The following PRICKLE2 variants were observed in gnomAD, a reference collection of about 807,000 sequenced individuals.
The protein encoded by PRICKLE2 is prickle planar cell polarity protein 2, also known as prickle-like protein 2.
A neutral mutation model predicts 81.4 loss-of-function variants in PRICKLE2; 21 were observed. The observed-to-expected ratio is 0.26, with a 90% CI of 0.18 to 0.37. The LOEUF (loss-of-function observed/expected upper bound fraction) is 0.37. Among genes scored for constraint, PRICKLE2 ranks in the 10% least tolerant of loss-of-function variants. PRICKLE2 has a pLI of 1.00. For synonymous variants in PRICKLE2, 456 were observed against 421.5 expected (o/e 1.08, Z -1.00); for missense variants, 940 against 1,109.0 (o/e 0.85, Z 2.16).
chr3:64,190,950 C>G (rs1334570627), intron 2 of PRICKLE2, among the ~76,000 whole-genome samples: 1 of 152,116 alleles, frequency 6.6e-6, no homozygotes, highest in African/African-American at 2.4e-5. Context: ...AGTACTTCAG[C>G]AGATAATCCC....
chr3:64,219,378 A>C lies in PRICKLE2; in HGVS notation c.-41+5532T>G, dbSNP rs1193160256. ...CACACAACTGGCGATCAAGAGCAACAAGCTTGGCTTCCCTCTCTCCGAACT... is the reference window on the plus strand; with the variant it reads ...CACACAACTGGCGATCAAGAGCAACCAGCTTGGCTTCCCTCTCTCCGAACT... On this transcript the variant is annotated intron_variant, in intron 1 of 7. Coordinates refer to ENST00000638394, the MANE Select transcript of PRICKLE2 (RefSeq NM_198859.4). 2.6e-5 allele frequency among the ~76,000 whole-genome samples: 4 copies of C among 152,182 alleles called. 1 individual carries two copies. The highest frequency in any genetic ancestry group is 9.7e-5 in the African/African-American group (4 of 41,444).
At chr3:64,243,669 A>C (rs2079302822) in intron 2 of PRICKLE2, among the ~76,000 whole-genome samples, 1 of 152,234 alleles carries the variant, frequency 6.6e-6, no homozygotes, top group Admixed American at 6.5e-5. Context: ...GATTATGCAG[A>C]TGAAGCCCTT....
intron 7 of PRICKLE2, among the ~76,000 whole-genome samples, chr3:64,132,068 TA>T (rs1056031630): frequency 6.6e-6 from 1 of 152,220 alleles, no homozygotes; most frequent in African/African-American, 2.4e-5. Context: ...GCATATAAGA[TA>T]ACCTTCTTCC....
At chr3:64,126,538 G>A (rs543527860) in intron 7 of PRICKLE2, among the ~76,000 whole-genome samples, 6 of 152,254 alleles carry the variant, frequency 3.9e-5, no homozygotes, top group African/African-American at 1.4e-4. Context: ...CTCTGGAGTC[G>A]GGCTGCCTCT....
rs769254046 is a variant in PRICKLE2 at position 64,147,180 on chromosome 3, G to A, written c.1310C>T (p.Ala437Val). 5.6e-6 allele frequency: 9 copies of A among 1,613,812 alleles called. No homozygotes were observed. In the South Asian group the frequency reaches 6.6e-5, roughly 12 times the overall value. Reference protein sequence around the residue: ...SYSPGGQGAGAQPEMWGKHFS... With the variant: ...SYSPGGQGAGVQPEMWGKHFS... Reference sequence around the variant, plus strand: ...GTGCTTGCCCCACATTTCGGGCTGGGCCCCAGCCCCTTGCCCTCCTGGACT... The same window carrying A: ...GTGCTTGCCCCACATTTCGGGCTGGACCCCAGCCCCTTGCCCTCCTGGACT... Residue 437 changes from alanine to valine, a missense_variant, in exon 7 of 8, where the codon GCC becomes GTC. Around this residue, in one of 2 missense-constraint regions of PRICKLE2, gnomAD observed 670 missense variants for 717.2 expected, o/e 0.93. Transcript: ENST00000638394. This position sits in a 1 kb window ranked among gnomAD's most constrained non-coding sequence, Gnocchi z 5.0.
In PRICKLE2 at chr3:64,146,956, C is replaced by T. The variant is rs771138800; in HGVS notation, c.1534G>A (p.Gly512Ser). Residue 512 changes from glycine (G) to serine (S), a missense_variant, in exon 7 of 8, where the codon GGC becomes AGC. Coordinates refer to ENST00000638394, the MANE Select transcript of PRICKLE2 (RefSeq NM_198859.4). ...KYEEEEEEEG[G>S]LSTQQCRTRH... ...GTCCGACACTGCTGAGTGGACAAGC[C>T]CCCTTCCTCTTCCTCTTCCTCCTCA... 6.2e-7 allele frequency: 1 copy of T among 1,614,116 alleles called. No individual in the cohort carries two copies. Among genetic ancestry groups the T allele is most frequent in the South Asian group, 1.1e-5 (1 of 91,080 alleles).
intron 1 of PRICKLE2, among the ~76,000 whole-genome samples, chr3:64,209,731 GC>G (rs1381741278): frequency 2.0e-5 from 3 of 152,234 alleles, no homozygotes; most frequent in Non-Finnish European, 2.9e-5. Context: ...CAACATGCCT[GC>G]CTTCGTGGAG....
intron 2 of PRICKLE2, among the ~76,000 whole-genome samples, chr3:64,236,943 T>C (rs570132336): frequency 4.6e-5 from 7 of 152,228 alleles, no homozygotes; most frequent in Non-Finnish European, 8.8e-5. Context: ...CATGCTGCGG[T>C]GATCTCTGCA....
At chr3:64,261,294 C>G in intron 2 of PRICKLE2, among the ~76,000 whole-genome samples, 1 of 151,990 alleles carries the variant, frequency 6.6e-6, no homozygotes. Flanking sequence ...TTTTAATTTC[C>G]TAATAATTTT....
intron 2 of PRICKLE2, among the ~76,000 whole-genome samples, chr3:64,267,305 C>A (rs1198094968): frequency 1.3e-5 from 2 of 152,156 alleles, no homozygotes; most frequent in African/African-American, 2.4e-5. Flanking sequence ...TCAGAAAGAA[C>A]ACATTAACAA....
At chr3:64,231,516 A>G (rs2079102568) in intron 2 of PRICKLE2, among the ~76,000 whole-genome samples, 1 of 152,216 alleles carries the variant, frequency 6.6e-6, no homozygotes, top group African/African-American at 2.4e-5. Context: ...GTTTTTCAGT[A>G]TTCCCTAAAT....
At chr3:64,181,511 T>TC (rs2107081126) in intron 2 of PRICKLE2, among the ~76,000 whole-genome samples, 1 of 152,290 alleles carries the variant, frequency 6.6e-6, no homozygotes, top group East Asian at 1.9e-4. Context: ...ATTATGTCCT[T>TC]TCTCTTTGTT....
chr3:64,198,903 T>C lies in PRICKLE2; in HGVS notation c.25A>G (p.Met9Val). 1 of 1,614,094 alleles carries C rather than the reference T, an allele frequency of 6.2e-7. No homozygotes were observed. The highest frequency in any genetic ancestry group is 8.5e-7 in the Non-Finnish European group (1 of 1,180,022). Reference protein sequence around the residue: MVTVMPLEMEKTISKLMFD... With the variant: MVTVMPLEVEKTISKLMFD... ...ATGAGTTTGCTGATGGTCTTCTCCA[T>C]CTCCAGCGGCATCACTGTCACCATG... is the stretch of plus-strand genomic sequence containing the variant. Residue 9 changes from methionine to valine, a missense_variant, in exon 2 of 8, where the codon ATG becomes GTG. Met to Val is a conservative substitution (Grantham distance 21, BLOSUM62 1). Coordinates refer to ENST00000638394, the MANE Select transcript of PRICKLE2 (RefSeq NM_198859.4).
intron 7 of PRICKLE2, among the ~76,000 whole-genome samples, chr3:64,112,064 T>C (rs1249183508): frequency 2.0e-5 from 3 of 152,196 alleles, no homozygotes; most frequent in Non-Finnish European, 4.4e-5. Context: ...CTGGCACACA[T>C]GGTTCCACCT....
intron 3 of PRICKLE2, among the ~76,000 whole-genome samples, chr3:64,161,192 GAATAC>G: frequency 6.6e-6 from 1 of 152,244 alleles, no homozygotes; most frequent in South Asian, 2.1e-4. Flanking sequence ...CTATCACAAG[GAATAC>G]AATACAACTT....
chr3:64,251,644 G>T (rs772888008), intron 2 of PRICKLE2, among the ~76,000 whole-genome samples: 5 of 152,168 alleles, frequency 3.3e-5, no homozygotes, highest in Non-Finnish European at 5.9e-5. Context: ...GGAGAAGCAT[G>T]GACAGACATC....
At chr3:64,102,909 T>C (rs2076691064) in intron 7 of PRICKLE2, 1 of 152,176 alleles carries the variant, frequency 6.6e-6, no homozygotes, top group Non-Finnish European at 1.5e-5. Context: ...TGGTGGTAAA[T>C]GGCCCAGATG....
intron 2 of PRICKLE2, among the ~76,000 whole-genome samples, chr3:64,257,500 C>T (rs1441144533): frequency 6.6e-6 from 1 of 152,140 alleles, no homozygotes; most frequent in African/African-American, 2.4e-5. Flanking sequence ...TTGGCAATGG[C>T]AGTGGGGGTG....
At chr3:64,255,287 T>G (rs954688501) in intron 2 of PRICKLE2, among the ~76,000 whole-genome samples, 1 of 152,198 alleles carries the variant, frequency 6.6e-6, no homozygotes, top group African/African-American at 2.4e-5. Context: ...AGAAAAAGTT[T>G]GGTAGAATCT....
Sources: allele counts gnomAD v4.1 joint callset (sites outside exome capture counted in the v4.1 genomes callset), GRCh38; gene constraint gnomAD v4.1.1; regional missense constraint gnomAD v4.1.1; non-coding constraint Gnocchi (gnomAD v3.1); transcripts MANE v1.5; gene names NCBI Gene and HGNC (gene_info 2026-07-23, HGNC 2026-07-21).